Variants in ACTL6B observed in about 807,000 individuals in gnomAD.
The protein encoded by ACTL6B is actin-like protein 6B.
Under a neutral mutation model 63.3 loss-of-function variants are expected in ACTL6B, and 48 were observed. That is an observed-to-expected ratio of 0.76 (90% CI 0.60 to 0.96). The LOEUF (loss-of-function observed/expected upper bound fraction) is 0.96. ACTL6B is among the 50% of genes least tolerant of loss of function. The pLI is 0.00. For missense variants in ACTL6B, 350 were observed against 572.2 expected, an observed-to-expected ratio of 0.61 and a Z score of 3.96; for synonymous variants, 230 against 223.8, an observed-to-expected ratio of 1.03 and a Z score of -0.25.
chr7:100,652,252 G>A (rs1191021579), intron 4 of ACTL6B, among the ~76,000 whole-genome samples: 1 of 151,972 alleles, frequency 6.6e-6, no homozygotes, highest in Non-Finnish European at 1.5e-5. Context: ...CAAAAAATTA[G>A]CCGGGCGTGG....
intron 4 of ACTL6B, among the ~76,000 whole-genome samples, chr7:100,652,999 C>CAAAAAAAAA (rs58707737): frequency 1.0e-3 from 27 of 25,942 alleles, no homozygotes; most frequent in East Asian, 2.1e-3. Flanking sequence ...AACTCCGTCT[C>CAAAAAAAAA]AAAAAAAAAA....
chr7:100,655,555 G>T lies in ACTL6B; in HGVS notation c.134C>A (p.Ala45Asp). 6.2e-7 allele frequency: 1 copy of T among 1,613,652 alleles called. No individual in the cohort carries two copies. Among genetic ancestry groups the T allele is most frequent in the East Asian group, 2.2e-5 (1 of 44,882 alleles). Residue 45 changes from alanine (A) to aspartate (D), a missense_variant, in exon 3 of 14, where the codon GCC becomes GAC. Ala to Asp is a moderately radical substitution (Grantham distance 126, BLOSUM62 -2). Coordinates refer to ENST00000160382, the MANE Select transcript of ACTL6B (RefSeq NM_016188.5). This position sits in a 1 kb window ranked among gnomAD's most constrained non-coding sequence, Gnocchi z 4.4. Reference sequence around the variant, plus strand: ...CTCCAGCCCGCCCCCCTCCTCCGCGGCCAGCAGCCCCACTGTGGTGGGGAA... The same window carrying T: ...CTCCAGCCCGCCCCCCTCCTCCGCGTCCAGCAGCCCCACTGTGGTGGGGAA... ...ADFPTTVGLL[A>D]AEEGGGLELE...
At position 100,648,836 on chromosome 7, in the gene ACTL6B, G is replaced by A. The variant is rs780158134; in HGVS notation, c.468-13C>T. 6.8e-6 allele frequency: 11 copies of A among 1,611,578 alleles called. No homozygotes were observed. The highest frequency in any genetic ancestry group is 9.3e-6 in the Non-Finnish European group (11 of 1,179,218). On this transcript the variant is annotated splice_polypyrimidine_tract_variant and intron_variant, in intron 5 of 13. Coordinates refer to ENST00000160382, the MANE Select transcript of ACTL6B (RefSeq NM_016188.5). The surrounding 1 kb of genome is among the most constrained non-coding windows in gnomAD (Gnocchi z 4.4). ...CCCGTTTGCAAAGCTGGCATCGGATGGGTAAGTCAAAGAGACAGCAGCAGC... is the reference window on the plus strand; with the variant it reads ...CCCGTTTGCAAAGCTGGCATCGGATAGGTAAGTCAAAGAGACAGCAGCAGC...
Position 100,648,654 on chromosome 7 carries a change from T to A in ACTL6B, c.571A>T (p.Lys191Ter). Reference protein sequence around the residue: ...DGYVLQQGIVKSPLAGDFISM... With the variant: ...DGYVLQQGIV ...ATGAAGTCCCCTGCCAGAGGGGACT[T>A]GACGATGCCTAGAAGGAAGGCACTG... The change falls in exon 7 of 14, where the codon AAG becomes TAG. Residue 191 changes from lysine (K) to a stop codon, truncating the protein, a stop_gained. Transcript: ENST00000160382. LOFTEE classifies it high-confidence loss of function. The surrounding 1 kb of genome is among the most constrained non-coding windows in gnomAD (Gnocchi z 4.4). The A allele has an allele frequency of 6.2e-7, 1 of 1,612,510 alleles. No individual in the cohort carries two copies. The highest frequency in any genetic ancestry group is 8.5e-7 in the Non-Finnish European group (1 of 1,179,036).
chr7:100,643,142 A>C lies in ACTL6B; in HGVS notation c.*104T>G. ...TTACTTCTTTCAACCCAGAAACATC[A>C]CCATTAATGAGGACAAGAGGGAAAG... On this transcript the variant is annotated 3_prime_UTR_variant, in exon 14 of 14. Coordinates refer to ENST00000160382, the MANE Select transcript of ACTL6B (RefSeq NM_016188.5). 1 of 1,206,924 alleles carries C rather than the reference A, an allele frequency of 8.3e-7. No homozygotes were observed. Among genetic ancestry groups the C allele is most frequent in the Non-Finnish European group, 1.2e-6 (1 of 835,672 alleles). The allele number at this position is 1,206,924 out of a possible 1,614,324, so 74.8% of individuals were successfully genotyped here.
chr7:100,648,907 T>TA lies in ACTL6B; in HGVS notation c.468-85dup. 4 of 1,370,172 alleles carry TA rather than the reference T, an allele frequency of 2.9e-6. No individual in the cohort carries two copies. Among genetic ancestry groups the TA allele is most frequent in the Non-Finnish European group, 4.0e-6 (4 of 1,010,380 alleles). The allele number at this position is 1,370,172 out of a possible 1,614,324, so 84.9% of individuals were successfully genotyped here. On this transcript the variant is annotated intron_variant, in intron 5 of 13. Transcript: ENST00000160382. The surrounding 1 kb of genome is among the most constrained non-coding windows in gnomAD (Gnocchi z 4.4). The stretch of plus-strand genomic sequence containing the variant: ...GATCTTGTCTGGTCACTCTCTGCTC[T>TA]ACCGGGGTCCAGCCCATCCCCAGTC...
rs34042103 is a variant in ACTL6B, at chr7:100,646,074, G to GC, written c.1200+174dup. 6.6e-6 allele frequency among the ~76,000 whole-genome samples: 1 copy of GC among 152,306 alleles called. No individual in the cohort carries two copies. The highest frequency in any genetic ancestry group is 3.4e-3 in the Middle Eastern group (1 of 294). On this transcript the variant is annotated intron_variant, in intron 13 of 13. Transcript: ENST00000160382. This position sits in a 1 kb window ranked among gnomAD's most constrained non-coding sequence, Gnocchi z 6.1. Reference sequence around the variant, plus strand: ...GTGTGGGCCACCATACCGGGCCCCTGCCCCCCGATTTGTGTCCTGTTCACC... The same window carrying GC: ...GTGTGGGCCACCATACCGGGCCCCTGCCCCCCCGATTTGTGTCCTGTTCACC...
At position 100,655,518 on chromosome 7, in the gene ACTL6B, G is replaced by A. The variant is rs1228155526; in HGVS notation, c.171C>T (p.Asp57=). 6.2e-7 allele frequency: 1 copy of A among 1,613,942 alleles called. No homozygotes were observed. Among genetic ancestry groups the A allele is most frequent in the Non-Finnish European group, 8.5e-7 (1 of 1,179,992 alleles). Residue 57 remains aspartate (D), a synonymous_variant, in exon 3 of 14, where the codon GAC becomes GAT. Coordinates refer to ENST00000160382, the MANE Select transcript of ACTL6B (RefSeq NM_016188.5). This position sits in a 1 kb window ranked among gnomAD's most constrained non-coding sequence, Gnocchi z 4.4. ...EEGGGLELEG[D]KEKKGKIFHI... Reference sequence around the variant, plus strand: ...GGAAGATCTTCCCTTTCTTCTCTTTGTCCCCCTCCAGCTCCAGCCCGCCCC... The same window carrying A: ...GGAAGATCTTCCCTTTCTTCTCTTTATCCCCCTCCAGCTCCAGCCCGCCCC...
At chr7:100,654,651 G>A (rs578074379) in intron 4 of ACTL6B, among the ~76,000 whole-genome samples, 7 of 151,512 alleles carry the variant, frequency 4.6e-5, no homozygotes, top group South Asian at 2.1e-4. Context: ...GCGTGGTGGC[G>A]GGTGCCTGTA....
intron 4 of ACTL6B, among the ~76,000 whole-genome samples, chr7:100,652,865 G>T (rs1359533493): frequency 6.6e-6 from 1 of 150,900 alleles, no homozygotes; most frequent in Non-Finnish European, 1.5e-5. Flanking sequence ...GCTGGGCGTG[G>T]TGGCACGCAC....
In ACTL6B at chr7:100,655,860, G is replaced by A. The variant is rs2131339721; in HGVS notation, c.45C>T (p.Val15=). ...GGACTGAGAAGGAGCCAATGTCAAA[G>A]ACCAGCGCCCCCACCTCATCTGTGC... ...VYGGDEVGAL[V]FDIGSFSVRA... is the part of the protein sequence containing the mutation. The change falls in exon 2 of 14, where the codon GTC becomes GTT. Residue 15 remains valine, a synonymous_variant. Coordinates refer to ENST00000160382, the MANE Select transcript of ACTL6B (RefSeq NM_016188.5). This position sits in a 1 kb window ranked among gnomAD's most constrained non-coding sequence, Gnocchi z 4.4. 2 of 1,573,086 alleles carry A rather than the reference G, an allele frequency of 1.3e-6. No individual in the cohort carries two copies. Among genetic ancestry groups the A allele is most frequent in the South Asian group, 1.2e-5 (1 of 85,668 alleles).
intron 13 of ACTL6B, 78 bp from the exon 14 acceptor site, chr7:100,643,404 C>A: frequency 6.7e-7 from 1 of 1,485,714 alleles, no homozygotes; most frequent in African/African-American, 1.4e-5. Context: ...CCCTGGGAAT[C>A]CTCCAACAGG....
At chr7:100,653,399 C>T (rs1328903969) in intron 4 of ACTL6B, among the ~76,000 whole-genome samples, 4 of 151,664 alleles carry the variant, frequency 2.6e-5, no homozygotes, top group African/African-American at 9.7e-5. Context: ...CCTGTAATCC[C>T]AGCCTTTTGG....
At chr7:100,650,233 TCACACACACACATCCAAACACTTGCA>T in intron 4 of ACTL6B, 98 bp from the exon 5 acceptor site, 1 of 944,622 alleles carries the variant, frequency 1.1e-6, no homozygotes. Flanking sequence ...ACACTCACGG[TCACACACACACATCCAAACACTTGCA>T]CACACATACA....
Position 100,643,159 on chromosome 7 carries a change from G to C in ACTL6B, c.*87C>G, listed in dbSNP as rs1194623298. The C allele has an allele frequency of 7.9e-7, 1 of 1,267,732 alleles. No homozygotes were observed. The highest frequency in any genetic ancestry group is 1.1e-6 in the Non-Finnish European group (1 of 871,498). The allele number at this position is 1,267,732 out of a possible 1,614,324, so 78.5% of individuals were successfully genotyped here. A position where few individuals can be genotyped will look rare whatever the true frequency, so the allele number is the denominator to read the frequency against. The stretch of plus-strand genomic sequence containing the variant: ...GAAACATCACCATTAATGAGGACAA[G>C]AGGGAAAGGAGGAGGGGGGCAATGT... On this transcript the variant is annotated 3_prime_UTR_variant, in exon 14 of 14. Coordinates refer to ENST00000160382, the MANE Select transcript of ACTL6B (RefSeq NM_016188.5).
chr7:100,646,191 T>C lies in ACTL6B; in HGVS notation c.1200+58A>G. ...AAGAGGCAGTCAAAGTGGCGGGCAC[T>C]GTCTGGGTCTCCCCTCTCCCCCACA... On this transcript the variant is annotated intron_variant, in intron 13 of 13. Transcript: ENST00000160382. The surrounding 1 kb of genome is among the most constrained non-coding windows in gnomAD (Gnocchi z 6.1). 7.0e-7 allele frequency: 1 copy of C among 1,438,144 alleles called. No homozygotes were observed. The highest frequency in any genetic ancestry group is 9.6e-7 in the Non-Finnish European group (1 of 1,043,556). The allele number at this position is 1,438,144 out of a possible 1,614,324, so 89.1% of individuals were successfully genotyped here. A position where few individuals can be genotyped will look rare whatever the true frequency, so the allele number is the denominator to read the frequency against.
At position 100,655,473 on chromosome 7, in the gene ACTL6B, C is replaced by T. The variant is rs1804021522; in HGVS notation, c.216G>A (p.Leu72=). Reference sequence around the variant, plus strand: ...CCTCCGCTCCATCCCGAGGCACGTGCAGGGCATTGGTGTCGATGTGGAAGA... The same window carrying T: ...CCTCCGCTCCATCCCGAGGCACGTGTAGGGCATTGGTGTCGATGTGGAAGA... The part of the protein sequence containing the change: ...GKIFHIDTNA[L]HVPRDGAEVM... Residue 72 remains leucine (L), a synonymous_variant, in exon 3 of 14, where the codon CTG becomes CTA. Coordinates refer to ENST00000160382, the MANE Select transcript of ACTL6B (RefSeq NM_016188.5). The surrounding 1 kb of genome is among the most constrained non-coding windows in gnomAD (Gnocchi z 4.4). The T allele has an allele frequency of 6.2e-7, 1 of 1,614,192 alleles. No homozygotes were observed. Among genetic ancestry groups the T allele is most frequent in the Non-Finnish European group, 8.5e-7 (1 of 1,180,036 alleles).
In ACTL6B at chr7:100,655,413, C is replaced by A; in HGVS notation, c.268+8G>T. 1.9e-6 allele frequency: 3 copies of A among 1,612,840 alleles called. No homozygotes were observed. Among genetic ancestry groups the A allele is most frequent in the Non-Finnish European group, 2.5e-6 (3 of 1,179,366 alleles). On this transcript the variant is annotated splice_region_variant and intron_variant, in intron 3 of 13. Coordinates refer to ENST00000160382, the MANE Select transcript of ACTL6B (RefSeq NM_016188.5). The surrounding 1 kb of genome is among the most constrained non-coding windows in gnomAD (Gnocchi z 4.4). ...TCTGTCAGGAGGTGATGGGTGGGGG[C>A]CCCTTACTCATGCCATTCTTGAGGG...
At chr7:100,654,859 C>T (rs1804007961) in intron 4 of ACTL6B, among the ~76,000 whole-genome samples, 160 bp downstream of exon 4, 1 of 151,626 alleles carries the variant, frequency 6.6e-6, no homozygotes, top group Non-Finnish European at 1.5e-5. Flanking sequence ...GGAGACTTAG[C>T]CAAGAAGGAA....
Sources: allele counts gnomAD v4.1 joint callset (sites outside exome capture counted in the v4.1 genomes callset), GRCh38; gene constraint gnomAD v4.1.1; non-coding constraint Gnocchi (gnomAD v3.1); transcripts MANE v1.5; gene names NCBI Gene and HGNC (gene_info 2026-07-23, HGNC 2026-07-21).